Variants in HDLBP observed in about 807,000 individuals in gnomAD.
HDLBP encodes vigilin.
A neutral mutation model predicts 137.3 loss-of-function variants in HDLBP; 30 were observed. That is an observed-to-expected ratio of 0.22 (90% CI 0.16 to 0.30). The LOEUF is 0.30. HDLBP is among the 10% of genes least tolerant of loss of function. The probability of loss-of-function intolerance (pLI) is 1.00; values close to 1 mark genes in which losing one functional copy is unlikely to be tolerated. For missense variants in HDLBP, 1,119 were observed against 1,667.3 expected, an observed-to-expected ratio of 0.67 and a Z score of 5.73; for synonymous variants, 606 against 596.0, an observed-to-expected ratio of 1.02 and a Z score of -0.24.
Position 241,234,033 on chromosome 2 carries a change from A to G in HDLBP, c.3145-70T>C. On this transcript the variant is annotated intron_variant, in intron 23 of 27. Transcript: ENST00000310931. ...CACCCTGTGACTCCATTCCCCTTCCACCCTGGTCATAGGACACTGGAGATG... is the reference window on the plus strand; with the variant it reads ...CACCCTGTGACTCCATTCCCCTTCCGCCCTGGTCATAGGACACTGGAGATG... The G allele has an allele frequency of 2.6e-6, 4 of 1,564,382 alleles. No individual in the cohort carries two copies. In the South Asian group the frequency reaches 4.5e-5, roughly 18 times the overall value.
At position 241,235,268 on chromosome 2, in the gene HDLBP, G is replaced by A. The variant is rs2070265485; in HGVS notation, c.3010-13C>T. The A allele has an allele frequency of 1.2e-6, 2 of 1,614,026 alleles. No individual in the cohort carries two copies. Among genetic ancestry groups the A allele is most frequent in the African/African-American group, 1.3e-5 (1 of 74,938 alleles). ...CATGTATGTTCACCTACGTGAAGAGGGGGCTGACTTGACGTTCAGGACCCC... is the reference window on the plus strand; with the variant it reads ...CATGTATGTTCACCTACGTGAAGAGAGGGCTGACTTGACGTTCAGGACCCC... On this transcript the variant is annotated splice_polypyrimidine_tract_variant and intron_variant, in intron 22 of 27. Transcript: ENST00000310931.
intron 21 of HDLBP, 186 bp downstream of exon 21, chr2:241,236,429 G>A (rs1239646263): frequency 1.6e-6 from 1 of 628,550 alleles, no homozygotes; most frequent in Non-Finnish European, 2.8e-6. Flanking sequence ...GTGAAGGGAA[G>A]TGGCCTCCCC....
intron 1 of HDLBP, among the ~76,000 whole-genome samples, chr2:241,288,938 G>C (rs759043412): frequency 6.6e-6 from 1 of 152,102 alleles, no homozygotes; most frequent in Non-Finnish European, 1.5e-5. Context: ...TTGACCCAGG[G>C]CAACAATTTA....
chr2:241,229,684 G>T lies in HDLBP; in HGVS notation c.3724C>A (p.Pro1242Thr). 1.2e-6 allele frequency: 2 copies of T among 1,614,126 alleles called. No individual in the cohort carries two copies. The highest frequency in any genetic ancestry group is 1.7e-6 in the Non-Finnish European group (2 of 1,180,012). ...AATTCCTCAGAGCTGCTCATGTCAG[G>T]AGCCTGTGCAGAGAGAGGACACGGC... ...PWTASSSEKA[P>T]DMSSSEEFPS... Residue 1242 changes from proline (P) to threonine (T), a missense_variant, in exon 28 of 28, where the codon CCT becomes ACT. Pro to Thr is a conservative substitution (Grantham distance 38). Transcript: ENST00000310931.
chr2:241,275,183 C>G (rs73116319), intron 1 of HDLBP, among the ~76,000 whole-genome samples: 4,016 of 152,038 alleles, frequency 0.026, 116 homozygotes, highest in African/African-American at 0.069. Context: ...CAATTCCCCC[C>G]CACCCCGCCT....
chr2:241,303,161 T>G (rs1324324705), intron 1 of HDLBP, among the ~76,000 whole-genome samples: 1 of 152,196 alleles, frequency 6.6e-6, no homozygotes, highest in Non-Finnish European at 1.5e-5. Context: ...CAAGCAGCAT[T>G]TGGTCCAGCC....
intron 11 of HDLBP, 49 bp downstream of exon 11, chr2:241,252,908 A>G: frequency 7.7e-7 from 1 of 1,296,074 alleles, no homozygotes; most frequent in South Asian, 1.2e-5. Flanking sequence ...CACCCCCCAC[A>G]AGGGTCTCAG....
rs1300390903 is a variant in HDLBP at position 241,230,822 on chromosome 2, G to A, written c.3411C>T (p.Arg1137=). Reference sequence around the variant, plus strand: ...GGGCACCAATGATGCGGGCGTGAACGCGGTGGTCCAGCGGGACGTCCTCAG... The same window carrying A: ...GGGCACCAATGATGCGGGCGTGAACACGGTGGTCCAGCGGGACGTCCTCAG... The part of the protein sequence containing the change: ...MVSEDVPLDH[R]VHARIIGARG... Residue 1137 remains arginine, a synonymous_variant, in exon 25 of 28, where the codon CGC becomes CGT. Transcript: ENST00000310931. This position sits in a 1 kb window ranked among gnomAD's most constrained non-coding sequence, Gnocchi z 5.0. 15 of 1,614,238 alleles carry A rather than the reference G, an allele frequency of 9.3e-6. No homozygotes were observed. The highest frequency in any genetic ancestry group is 2.2e-5 in the East Asian group (1 of 44,888).
intron 16 of HDLBP, among the ~76,000 whole-genome samples, chr2:241,243,308 A>G (rs932167025): frequency 6.6e-6 from 1 of 152,180 alleles, no homozygotes; most frequent in Non-Finnish European, 1.5e-5. Flanking sequence ...TCATATACTG[A>G]TACGCGTGAA....
chr2:241,283,070 G>A (rs548141267), intron 1 of HDLBP, among the ~76,000 whole-genome samples: 1 of 152,232 alleles, frequency 6.6e-6, no homozygotes, highest in Non-Finnish European at 1.5e-5. Flanking sequence ...CTACTCCAGT[G>A]AACACATAAA....
rs771712170 is a variant in HDLBP at position 241,248,237 on chromosome 2, A to G, written c.1617+7T>C. Reference sequence around the variant, plus strand: ...TAGAGTTACAGAATGTCTCTGGGAAACTTTACCTCTGGGAATTTGTCACGA... The same window carrying G: ...TAGAGTTACAGAATGTCTCTGGGAAGCTTTACCTCTGGGAATTTGTCACGA... On this transcript the variant is annotated splice_region_variant and intron_variant, in intron 13 of 27. Coordinates refer to ENST00000310931, the MANE Select transcript of HDLBP (RefSeq NM_005336.6). 3.7e-6 allele frequency: 6 copies of G among 1,607,760 alleles called. No individual in the cohort carries two copies. The highest frequency in any genetic ancestry group is 4.3e-6 in the Non-Finnish European group (5 of 1,174,192).
chr2:241,312,164 G>C (rs1231442695), intron 1 of HDLBP, among the ~76,000 whole-genome samples: 1 of 152,158 alleles, frequency 6.6e-6, no homozygotes, highest in Non-Finnish European at 1.5e-5. Context: ...AGATTAATAT[G>C]AATGCTAATA....
chr2:241,313,300 GAC>G, intron 1 of HDLBP, among the ~76,000 whole-genome samples: 1 of 152,148 alleles, frequency 6.6e-6, no homozygotes, highest in Admixed American at 6.5e-5. Flanking sequence ...GGCTTTTTGA[GAC>G]ACAGTCTCAC....
At chr2:241,248,154 G>C in intron 13 of HDLBP, 38 bp from the exon 14 acceptor site, 2 of 1,569,774 alleles carry the variant, frequency 1.3e-6, no homozygotes, top group South Asian at 2.2e-5. Context: ...TCAAGTATGA[G>C]GAAGGACATA....
chr2:241,236,842 G>T, intron 20 of HDLBP, 73 bp from the exon 21 acceptor site: 1 of 1,502,574 alleles, frequency 6.7e-7, no homozygotes, highest in Non-Finnish European at 9.1e-7. Flanking sequence ...GAATGCATAT[G>T]TCTGTGAGGC....
Position 241,238,671 on chromosome 2 carries a change from G to C in HDLBP, c.2727C>G (p.Phe909Leu). The change falls in exon 20 of 28, where the codon TTC becomes TTG. Residue 909 changes from phenylalanine to leucine, a missense_variant. Transcript: ENST00000310931. This position sits in a 1 kb window ranked among gnomAD's most constrained non-coding sequence, Gnocchi z 4.9. ...ITRDFSVQIK[F>L]PDREENAVHS... Reference sequence around the variant, plus strand: ...CACCTGCGTTCTCCTCTCTGTCTGGGAATTTAATTTGAACACTGAAATCCC... The same window carrying C: ...CACCTGCGTTCTCCTCTCTGTCTGGCAATTTAATTTGAACACTGAAATCCC... The C allele has an allele frequency of 1.3e-6, 2 of 1,579,780 alleles. No homozygotes were observed. The highest frequency in any genetic ancestry group is 1.7e-6 in the Non-Finnish European group (2 of 1,156,234).
intron 1 of HDLBP, among the ~76,000 whole-genome samples, chr2:241,270,641 C>T (rs1420316635): frequency 6.6e-6 from 1 of 152,200 alleles, no homozygotes; most frequent in African/African-American, 2.4e-5. Flanking sequence ...CCCAGGGGTC[C>T]ACCTGCCTCT....
rs2073841698 is a variant in HDLBP, at chr2:241,268,477, C to T, written c.-38G>A. The T allele has an allele frequency of 1.0e-6, 1 of 985,794 alleles. No homozygotes were observed. 61.1% of individuals were successfully genotyped at this position (985,794 alleles called of 1,614,324 possible). ...AGTCTTCAGACAGGGTCAAACTTACCAGCAAAACGGTCAGTAGCCAGAAGG... is the reference window on the plus strand; with the variant it reads ...AGTCTTCAGACAGGGTCAAACTTACTAGCAAAACGGTCAGTAGCCAGAAGG... On this transcript the variant is annotated splice_region_variant and 5_prime_UTR_variant, in exon 2 of 28. In the 5' UTR this introduces an upstream ATG that the reference lacks. Transcript: ENST00000310931.
chr2:241,303,033 C>T (rs894865386), intron 1 of HDLBP, among the ~76,000 whole-genome samples: 1 of 152,202 alleles, frequency 6.6e-6, no homozygotes, highest in African/African-American at 2.4e-5. Context: ...GCAGCACAAC[C>T]ACTAAATTCA....
Sources: allele counts gnomAD v4.1 joint callset (sites outside exome capture counted in the v4.1 genomes callset), GRCh38; gene constraint gnomAD v4.1.1; non-coding constraint Gnocchi (gnomAD v3.1); transcripts MANE v1.5; gene names NCBI Gene and HGNC (gene_info 2026-07-23, HGNC 2026-07-21).